CCDC141: variants seen among roughly 807,000 people sequenced by gnomAD.
CCDC141 encodes coiled-coil domain containing 141.
Under a neutral mutation model 181.0 loss-of-function variants are expected in CCDC141, and 168 were observed. The ratio of observed to expected loss-of-function variants is 0.93; its 90% CI spans 0.82 to 1.05. CCDC141 has a LOEUF of 1.05. Among genes scored for constraint, CCDC141 ranks in the 50% least tolerant of loss-of-function variants. CCDC141 has a pLI of 0.00. For synonymous variants in CCDC141, 666 were observed against 642.3 expected, an observed-to-expected ratio of 1.04 and a Z score of -0.56; for missense variants, 1,902 against 1,788.5, an observed-to-expected ratio of 1.06 and a Z score of -1.14.
downstream of CCDC141, among the ~76,000 whole-genome samples, chr2:178,824,819 C>G (rs1165577684): frequency 6.6e-6 from 1 of 151,912 alleles, no homozygotes; most frequent in Non-Finnish European, 1.5e-5. Flanking sequence ...TTGAACAAAA[C>G]CTATAATAGG....
intron 2 of CCDC141, among the ~76,000 whole-genome samples, chr2:179,031,096 T>A (rs1422044211): frequency 2.6e-5 from 4 of 152,078 alleles, no homozygotes; most frequent in Admixed American, 2.6e-4. Context: ...CTTTGAAGTT[T>A]TAATATAAAA....
At chr2:179,012,797 A>G (rs1022113130) in intron 2 of CCDC141, among the ~76,000 whole-genome samples, 1 of 152,182 alleles carries the variant, frequency 6.6e-6, no homozygotes, top group African/African-American at 2.4e-5. Context: ...CCAGGGATGC[A>G]GGGATAGCTT....
rs1319948660 is a variant in CCDC141, at chr2:178,951,838, G to A, written c.781-7187C>T. On this transcript the variant is annotated intron_variant, in intron 5 of 23. Coordinates refer to ENST00000443758, the MANE Select transcript of CCDC141 (RefSeq NM_173648.4). ...CATGAGGGTTAGAAGCAACCGCAGA[G>A]CCTTCCAAAGGAGGCACACTCATCA... Among the ~76,000 whole-genome samples, 4 of 152,246 alleles carry A rather than the reference G, an allele frequency of 2.6e-5. No homozygotes were observed. In the East Asian group the frequency reaches 5.8e-4, roughly 22 times the overall value.
intron 2 of CCDC141, among the ~76,000 whole-genome samples, chr2:179,011,942 C>A (rs554415777): frequency 3.3e-5 from 5 of 152,094 alleles, no homozygotes; most frequent in Non-Finnish European, 7.4e-5. Context: ...ATGACACAAC[C>A]TATCAAAATC....
chr2:178,884,810 TACCC>T, intron 11 of CCDC141, 87 bp downstream of exon 11: 2 of 1,025,316 alleles, frequency 2.0e-6, no homozygotes, highest in South Asian at 3.2e-5. Flanking sequence ...GATATGGACC[TACCC>T]ACCAAGGCAG....
intron 12 of CCDC141, chr2:178,876,239 A>C (rs1686351730): frequency 1.3e-5 from 2 of 152,228 alleles, no homozygotes. Context: ...TCCCAGGTAC[A>C]GAGAAAATTG....
At chr2:179,046,427 T>A (rs920115819) in intron 2 of CCDC141, among the ~76,000 whole-genome samples, 4 of 152,244 alleles carry the variant, frequency 2.6e-5, no homozygotes, top group Non-Finnish European at 4.4e-5. Context: ...ATAAGTCGGC[T>A]GTCCTGTCTG....
At chr2:179,008,157 T>G (rs1280091279) in intron 2 of CCDC141, among the ~76,000 whole-genome samples, 1 of 152,208 alleles carries the variant, frequency 6.6e-6, no homozygotes, top group Non-Finnish European at 1.5e-5. Flanking sequence ...TATATGTATC[T>G]CTTGTTTTAA....
chr2:179,042,737 T>A (rs910863585), intron 2 of CCDC141, among the ~76,000 whole-genome samples: 1 of 152,214 alleles, frequency 6.6e-6, no homozygotes, highest in African/African-American at 2.4e-5. Flanking sequence ...GAGAAATTTA[T>A]AGCACTAAAA....
At chr2:178,940,819 G>A (rs1169339486) in intron 6 of CCDC141, among the ~76,000 whole-genome samples, 7 of 152,046 alleles carry the variant, frequency 4.6e-5, no homozygotes, top group East Asian at 3.9e-4. Context: ...TACTTCCCCC[G>A]CCCAGACTTA....
chr2:178,842,508 G>T (rs559981107), intron 22 of CCDC141, among the ~76,000 whole-genome samples: 4 of 152,272 alleles, frequency 2.6e-5, no homozygotes, highest in African/African-American at 9.6e-5. Context: ...TTAAATCATT[G>T]CCCTGTAGGC....
At chr2:178,820,898 T>A in the CCDC141 span, among the ~76,000 whole-genome samples, 27 of 152,310 alleles carry the variant, frequency 1.8e-4, no homozygotes, top group Admixed American at 3.3e-4. Context: ...TAAGGGTATC[T>A]ATCTATGAAG....
rs569753157 is a variant in CCDC141 at position 178,919,164 on chromosome 2, C to G, written c.898-257G>C. 5.3e-5 allele frequency among the ~76,000 whole-genome samples: 8 copies of G among 152,152 alleles called. 1 individual carries two copies. Among genetic ancestry groups the G allele is most frequent in the African/African-American group, 1.7e-4 (7 of 41,500 alleles). ...CACCACAACTCTACCGTGCTGGCAC[C>G]CTGATCTCAAACTTCTCACACCCAG... On this transcript the variant is annotated intron_variant, in intron 6 of 23. Transcript: ENST00000443758.
chr2:178,949,545 A>AT (rs1301313994), intron 5 of CCDC141, among the ~76,000 whole-genome samples: 3 of 152,224 alleles, frequency 2.0e-5, no homozygotes, highest in African/African-American at 7.2e-5. Flanking sequence ...GAGAAGAGAA[A>AT]TGGTTCTCAT....
chr2:178,976,508 C>T (rs554348925), intron 3 of CCDC141, among the ~76,000 whole-genome samples: 1 of 152,240 alleles, frequency 6.6e-6, no homozygotes, highest in African/African-American at 2.4e-5. Flanking sequence ...CAAGGAAGGC[C>T]TCTGTCATCC....
At chr2:179,043,273 A>T in intron 2 of CCDC141, among the ~76,000 whole-genome samples, 1 of 152,192 alleles carries the variant, frequency 6.6e-6, no homozygotes, top group East Asian at 1.9e-4. Flanking sequence ...GTGGATTCAC[A>T]GTTGACTTCT....
In CCDC141 at chr2:178,872,119, G is replaced by T. The variant is rs1256059631; in HGVS notation, c.2079+14C>A. ...ATTTCATTCCTTTTCACATCCCATTGTTCCTTGCCTCACCTTTTTAAGTTG... is the reference window on the plus strand; with the variant it reads ...ATTTCATTCCTTTTCACATCCCATTTTTCCTTGCCTCACCTTTTTAAGTTG... On this transcript the variant is annotated intron_variant, in intron 13 of 23. Coordinates refer to ENST00000443758, the MANE Select transcript of CCDC141 (RefSeq NM_173648.4). 4 of 1,612,014 alleles carry T rather than the reference G, an allele frequency of 2.5e-6. No homozygotes were observed. The highest frequency in any genetic ancestry group is 3.4e-6 in the Non-Finnish European group (4 of 1,179,060).
Position 178,853,414 on chromosome 2 carries a change from C to A in CCDC141, c.3244+27G>T. On this transcript the variant is annotated intron_variant, in intron 20 of 23. Coordinates refer to ENST00000443758, the MANE Select transcript of CCDC141 (RefSeq NM_173648.4). ...AGTATAGATTTGTTCAATGGCCAAT[C>A]ACTGGATATCTTAAAAGAGATCTCA... The A allele has an allele frequency of 1.9e-6, 3 of 1,606,338 alleles. No individual in the cohort carries two copies. In the South Asian group the frequency reaches 3.3e-5, roughly 18 times the overall value.
At chr2:178,944,759 C>A (rs1038795078) in intron 5 of CCDC141, 108 bp from the exon 6 acceptor site, 2 of 471,986 alleles carry the variant, frequency 4.2e-6, no homozygotes, top group Non-Finnish European at 7.5e-6. Context: ...ACTTTAATTT[C>A]TTTTTATATA....
Sources: gnomAD v4.1 joint callset for allele counts (sites outside exome capture counted in the v4.1 genomes callset) on GRCh38, gnomAD v4.1.1 for gene constraint, MANE v1.5 for transcripts, NCBI Gene and HGNC (gene_info 2026-07-23, HGNC 2026-07-21) for gene names.